The following PAPPA2 variants were observed in gnomAD, a reference collection of about 807,000 sequenced individuals.
PAPPA2 encodes the protein pappalysin 2.
In PAPPA2, 86 loss-of-function variants were observed where a neutral mutation model predicts 176.4. That is an observed-to-expected ratio of 0.49 (90% confidence interval 0.41 to 0.58). The LOEUF (loss-of-function observed/expected upper bound fraction) is 0.58, where lower values mean the gene tolerates loss of function less well. Among genes scored for constraint, PAPPA2 ranks in the 20% least tolerant of loss-of-function variants. The probability of loss-of-function intolerance (pLI) is 0.00; values close to 1 mark genes in which losing one functional copy is unlikely to be tolerated. For synonymous variants in PAPPA2, 809 were observed against 852.2 expected (o/e 0.95, Z 0.88); for missense variants, 2,073 against 2,256.9 (o/e 0.92, Z 1.65).
chr1:176,684,315 GT>G (rs1659731016), intron 4 of PAPPA2, among the ~76,000 whole-genome samples: 1 of 152,146 alleles, frequency 6.6e-6, no homozygotes, highest in Non-Finnish European at 1.5e-5. Flanking sequence ...CTTCCCCTGA[GT>G]AAGTATTCCT....
At chr1:176,815,047 G>A (rs1371520559) in intron 21 of PAPPA2, among the ~76,000 whole-genome samples, 1 of 151,912 alleles carries the variant, frequency 6.6e-6, no homozygotes, top group East Asian at 1.9e-4. Context: ...ATAATCATGT[G>A]GTTTTTGTCT....
At chr1:176,756,952 G>T (rs900844339) in intron 14 of PAPPA2, among the ~76,000 whole-genome samples, 1 of 152,162 alleles carries the variant, frequency 6.6e-6, no homozygotes, top group Admixed American at 6.5e-5. Flanking sequence ...GTGAGAACAT[G>T]CAGTGTTTGG....
At chr1:176,538,242 ACCCC>A (rs1650176508) in intron 1 of PAPPA2, among the ~76,000 whole-genome samples, 3 of 152,164 alleles carry the variant, frequency 2.0e-5, no homozygotes, top group Admixed American at 6.5e-5. Flanking sequence ...GTTGGGATGG[ACCCC>A]AGGACCATCA....
chr1:176,660,517 T>C (rs1169547557), intron 3 of PAPPA2, among the ~76,000 whole-genome samples: 4 of 152,248 alleles, frequency 2.6e-5, no homozygotes, highest in East Asian at 3.9e-4. Context: ...ATTAAATTAC[T>C]GAATGAAATA....
chr1:176,531,184 G>A (rs1189961840), intron 1 of PAPPA2, among the ~76,000 whole-genome samples: 1 of 152,218 alleles, frequency 6.6e-6, no homozygotes, highest in Non-Finnish European at 1.5e-5. Flanking sequence ...CAGCAGGCAG[G>A]CAAGCCAGAT....
intron 19 of PAPPA2, 138 bp downstream of exon 19, chr1:176,791,620 C>A: frequency 1.0e-6 from 1 of 955,844 alleles, no homozygotes; most frequent in Non-Finnish European, 1.5e-6. Context: ...GTGGCACAGT[C>A]TCAGCTCACT....
chr1:176,586,247 A>C (rs373940303), intron 2 of PAPPA2, among the ~76,000 whole-genome samples: 1 of 152,174 alleles, frequency 6.6e-6, no homozygotes, highest in Non-Finnish European at 1.5e-5. Flanking sequence ...TTTGATAAAA[A>C]TTATTCAAAT....
intron 7 of PAPPA2, 51 bp from the exon 8 acceptor site, chr1:176,699,049 C>T: frequency 1.3e-6 from 2 of 1,549,952 alleles, no homozygotes. Flanking sequence ...TACTCATTTT[C>T]TGACTTTTAA....
intron 1 of PAPPA2, among the ~76,000 whole-genome samples, chr1:176,497,234 A>T (rs1188614347): frequency 6.6e-6 from 1 of 152,152 alleles, no homozygotes. Flanking sequence ...TCATTTAAAA[A>T]ATTTCAGAGG....
At chr1:176,601,071 A>G (rs1654295020) in intron 3 of PAPPA2, among the ~76,000 whole-genome samples, 1 of 152,142 alleles carries the variant, frequency 6.6e-6, no homozygotes, top group African/African-American at 2.4e-5. Flanking sequence ...GAGAGGTGAA[A>G]ATGTTAAGAG....
intron 1 of PAPPA2, 112 bp from the exon 2 acceptor site, chr1:176,555,292 CAAG>C (rs1450929871): frequency 2.0e-5 from 3 of 152,446 alleles, no homozygotes; most frequent in Non-Finnish European, 2.9e-5. Flanking sequence ...AAACAAAAAA[CAAG>C]AAGATATTTA....
intron 17 of PAPPA2, among the ~76,000 whole-genome samples, chr1:176,781,315 A>AT (rs1282790959): frequency 9.1e-6 from 1 of 109,686 alleles, no homozygotes; most frequent in Non-Finnish European, 1.8e-5. Flanking sequence ...CAGGTGGCTC[A>AT]TTTTTTCAGA....
chr1:176,685,227 A>G (rs893187328), intron 4 of PAPPA2, among the ~76,000 whole-genome samples: 1 of 152,182 alleles, frequency 6.6e-6, no homozygotes. Flanking sequence ...GTTCTGGGAA[A>G]TAAGCTAAAT....
In PAPPA2 at chr1:176,689,754, C is replaced by T. The variant is rs958354243; in HGVS notation, c.2138-383C>T. On this transcript the variant is annotated intron_variant, in intron 4 of 22. Coordinates refer to ENST00000367662, the MANE Select transcript of PAPPA2 (RefSeq NM_020318.3). ...CAACCTAGGAAGTTTTTAAAAATGTCGTTTTGTGAACCTCATCCTCAAAGG... is the reference window on the plus strand; with the variant it reads ...CAACCTAGGAAGTTTTTAAAAATGTTGTTTTGTGAACCTCATCCTCAAAGG... 8.5e-5 allele frequency among the ~76,000 whole-genome samples: 13 copies of T among 152,218 alleles called. No individual in the cohort carries two copies. The East Asian group carries it at 1.9e-3, about 23-fold the overall frequency.
chr1:176,710,041 A>G lies in PAPPA2; in HGVS notation c.3516A>G (p.Arg1172=). ...ATGGCATATGTGAACCTTTTGAGAG[A>G]AAAACCAGCATTGTAGACTGTGGCA... ...EGDGICEPFE[R]KTSIVDCGIY... The change falls in exon 11 of 23, where the codon AGA becomes AGG. Residue 1172 remains arginine, a synonymous_variant. Transcript: ENST00000367662. 6.2e-7 allele frequency: 1 copy of G among 1,613,358 alleles called. No homozygotes were observed.
chr1:176,530,592 T>C (rs1325324659), intron 1 of PAPPA2, among the ~76,000 whole-genome samples: 3 of 141,524 alleles, frequency 2.1e-5, no homozygotes, highest in Admixed American at 1.4e-4. Flanking sequence ...TAGAAATATA[T>C]TCATCTCATG....
intron 3 of PAPPA2, among the ~76,000 whole-genome samples, chr1:176,634,801 GAT>G (rs1205591684): frequency 0.023 from 597 of 26,214 alleles, 1 homozygote; most frequent in South Asian, 0.11. Flanking sequence ...CAAGGAGAGA[GAT>G]AGATAGATAG....
chr1:176,532,097 C>G (rs1201670943), intron 1 of PAPPA2, among the ~76,000 whole-genome samples: 1 of 152,148 alleles, frequency 6.6e-6, no homozygotes, highest in East Asian at 1.9e-4. Context: ...GCAGAAATAA[C>G]AAGAGAAAAT....
chr1:176,693,113 TG>T (rs1172457534), intron 6 of PAPPA2, among the ~76,000 whole-genome samples: 8 of 152,350 alleles, frequency 5.3e-5, no homozygotes, highest in African/African-American at 1.9e-4. Flanking sequence ...TGGGAGAATG[TG>T]GTTTCACTGA....
Sources: allele counts gnomAD v4.1 joint callset (sites outside exome capture counted in the v4.1 genomes callset), GRCh38; gene constraint gnomAD v4.1.1; transcripts MANE v1.5; gene names NCBI Gene and HGNC (gene_info 2026-07-23, HGNC 2026-07-21).